The following CREBBP variants were observed in gnomAD, a reference collection of about 807,000 sequenced individuals.
CREBBP encodes the protein CREB-binding protein.
CREBBP carries 19 observed loss-of-function variants against 265.0 expected under a neutral mutation model. That is an observed-to-expected ratio of 0.07 (90% CI 0.05 to 0.11). The LOEUF (loss-of-function observed/expected upper bound fraction) is 0.11, where lower values mean the gene tolerates loss of function less well. CREBBP is among the 10% of genes least tolerant of loss of function. CREBBP has a pLI of 1.00. For synonymous variants in CREBBP, 1,457 were observed against 1,223.7 expected, an observed-to-expected ratio of 1.19 and a Z score of -3.98; for missense variants, 2,525 against 3,219.0, an observed-to-expected ratio of 0.78 and a Z score of 5.22.
intron 1 of CREBBP, among the ~76,000 whole-genome samples, chr16:3,868,396 A>G (rs1199547648): frequency 6.7e-6 from 1 of 149,714 alleles, no homozygotes; most frequent in African/African-American, 2.4e-5. Context: ...AGGGGAAAGC[A>G]TTGTCTACTC....
chr16:3,853,829 C>T (rs779988768), intron 1 of CREBBP, among the ~76,000 whole-genome samples: 1 of 151,786 alleles, frequency 6.6e-6, no homozygotes, highest in Non-Finnish European at 1.5e-5. Flanking sequence ...TGCAGCTACT[C>T]GAGAGGCTGA....
intron 24 of CREBBP, among the ~76,000 whole-genome samples, chr16:3,740,151 A>C (rs902495482): frequency 1.3e-5 from 2 of 152,220 alleles, no homozygotes; most frequent in African/African-American, 4.8e-5. Flanking sequence ...GTAATAATAA[A>C]ATAAGAAAAT....
intron 16 of CREBBP, among the ~76,000 whole-genome samples, chr16:3,759,376 G>A (rs536266198): frequency 6.6e-6 from 1 of 152,154 alleles, no homozygotes; most frequent in East Asian, 1.9e-4. Flanking sequence ...ATCACCTGAG[G>A]TCAGGAGTTC....
chr16:3,823,612 G>A (rs548534145), intron 2 of CREBBP, among the ~76,000 whole-genome samples: 4 of 152,090 alleles, frequency 2.6e-5, no homozygotes, highest in African/African-American at 9.7e-5. Flanking sequence ...TTTCTCCTCA[G>A]ACATCCCACG....
intron 15 of CREBBP, among the ~76,000 whole-genome samples, chr16:3,768,156 T>TG: frequency 8.0e-6 from 1 of 125,774 alleles, no homozygotes; most frequent in Admixed American, 8.0e-5. Context: ...TTTTTTTTTT[T>TG]TTTTTTTTTT....
Position 3,850,774 on chromosome 16 carries a change from C to G in CREBBP, c.321G>C (p.Pro107=). The G allele has an allele frequency of 4.3e-6, 7 of 1,614,060 alleles. No homozygotes were observed. Among genetic ancestry groups the G allele is most frequent in the South Asian group, 1.1e-5 (1 of 91,076 alleles). ...QGLGGQAQGQ[P]NSANMASLSA... is the part of the protein sequence containing the mutation. Reference sequence around the variant, plus strand: ...TGAGGCTGGCCATGTTAGCACTGTTCGGCTGCCCTTGAGCCTGGCCACCCA... The same window carrying G: ...TGAGGCTGGCCATGTTAGCACTGTTGGGCTGCCCTTGAGCCTGGCCACCCA... The change falls in exon 2 of 31, where the codon CCG becomes CCC. Residue 107 remains proline (P), a synonymous_variant. Transcript: ENST00000262367.
At chr16:3,827,847 C>T (rs575471100) in intron 2 of CREBBP, among the ~76,000 whole-genome samples, 1 of 152,086 alleles carries the variant, frequency 6.6e-6, no homozygotes, top group East Asian at 1.9e-4. Flanking sequence ...CGTGCCACCA[C>T]ACCCAGCTAA....
At chr16:3,766,684 C>T (rs912729648) in intron 16 of CREBBP, among the ~76,000 whole-genome samples, 4 of 152,256 alleles carry the variant, frequency 2.6e-5, no homozygotes, top group Admixed American at 6.5e-5. Context: ...CACCACCACA[C>T]TTAGCTAGTT....
chr16:3,748,282 GA>G (rs370919351), intron 21 of CREBBP, among the ~76,000 whole-genome samples: 1,438 of 140,370 alleles, frequency 0.01, 15 homozygotes, highest in South Asian at 0.049. Flanking sequence ...GTCTCAGGGG[GA>G]AAAAAAAAAA....
chr16:3,879,682 C>T, intron 1 of CREBBP, 150 bp downstream of exon 1: 2 of 871,222 alleles, frequency 2.3e-6, no homozygotes, highest in Non-Finnish European at 3.7e-6. Flanking sequence ...GAACTTCCAC[C>T]CTCCCGCGCG....
At chr16:3,754,632 C>T (rs942493336) in intron 19 of CREBBP, among the ~76,000 whole-genome samples, 1 of 152,184 alleles carries the variant, frequency 6.6e-6, no homozygotes, top group African/African-American at 2.4e-5. Context: ...CATATCAGTA[C>T]ATATCACTGG....
At chr16:3,766,090 A>G (rs1032682629) in intron 16 of CREBBP, among the ~76,000 whole-genome samples, 6 of 152,176 alleles carry the variant, frequency 3.9e-5, no homozygotes, top group African/African-American at 1.4e-4. Context: ...ATGTCAACAT[A>G]TGGAAAATCT....
chr16:3,831,843 G>A (rs530514095), intron 2 of CREBBP, among the ~76,000 whole-genome samples: 9 of 151,722 alleles, frequency 5.9e-5, no homozygotes, highest in Non-Finnish European at 1.3e-4. Flanking sequence ...CTAAAAATAC[G>A]AAACTTAGCC....
intron 3 of CREBBP, among the ~76,000 whole-genome samples, chr16:3,793,937 T>C (rs1375085079): frequency 6.6e-6 from 1 of 152,194 alleles, no homozygotes; most frequent in Non-Finnish European, 1.5e-5. Flanking sequence ...GGAAAAGCTG[T>C]GTACTATACC....
intron 3 of CREBBP, among the ~76,000 whole-genome samples, chr16:3,802,266 G>A (rs1163910422): frequency 6.6e-6 from 1 of 151,182 alleles, no homozygotes; most frequent in African/African-American, 2.4e-5. Flanking sequence ...CAAGTAGCTG[G>A]ACTTACAGAC....
chr16:3,872,774 G>T (rs1249647476), intron 1 of CREBBP, among the ~76,000 whole-genome samples: 2 of 152,208 alleles, frequency 1.3e-5, no homozygotes, highest in African/African-American at 4.8e-5. Flanking sequence ...AAACTGTCAT[G>T]GTCAGGGTGC....
intron 1 of CREBBP, among the ~76,000 whole-genome samples, chr16:3,865,485 G>A (rs1164671619): frequency 6.6e-6 from 1 of 152,170 alleles, no homozygotes; most frequent in Non-Finnish European, 1.5e-5. Context: ...AGAGTCAACA[G>A]CGTCTGCCTG....
chr16:3,817,082 T>G (rs1235514886), intron 2 of CREBBP, among the ~76,000 whole-genome samples: 1 of 152,168 alleles, frequency 6.6e-6, no homozygotes. Context: ...TGCTGAAAAG[T>G]CGGGCAGAAC....
intron 2 of CREBBP, among the ~76,000 whole-genome samples, chr16:3,836,855 G>C (rs116033233): frequency 0.013 from 1,923 of 152,202 alleles, 48 homozygotes; most frequent in African/African-American, 0.045. Flanking sequence ...AATTCCAATG[G>C]CCTAGTGACG....
Sources: allele counts gnomAD v4.1 joint callset (sites outside exome capture counted in the v4.1 genomes callset), GRCh38; gene constraint gnomAD v4.1.1; transcripts MANE v1.5; gene names NCBI Gene and HGNC (gene_info 2026-07-23, HGNC 2026-07-21).